Variants in ADAMTSL1 observed in about 807,000 individuals in gnomAD.
The protein encoded by ADAMTSL1 is ADAMTS like 1.
Under a neutral mutation model 201.8 loss-of-function variants are expected in ADAMTSL1, and 126 were observed. That is an observed-to-expected ratio of 0.62 (90% CI 0.54 to 0.72). The LOEUF (loss-of-function observed/expected upper bound fraction) is 0.72. Ranked by LOEUF, ADAMTSL1 falls within the 30% of genes least tolerant of loss-of-function variation. The probability of loss-of-function intolerance (pLI) is 0.00; values close to 1 mark genes in which losing one functional copy is unlikely to be tolerated. For synonymous variants in ADAMTSL1, 1,121 were observed against 903.4 expected (o/e 1.24, Z -4.32); for missense variants, 2,679 against 2,277.8 (o/e 1.18, Z -3.59).
At chr9:18,251,064 A>G (rs988860714) in intron 2 of ADAMTSL1, among the ~76,000 whole-genome samples, 2 of 152,176 alleles carry the variant, frequency 1.3e-5, no homozygotes, top group African/African-American at 2.4e-5. Flanking sequence ...TGTCAGGAAG[A>G]TGTAATTAGG....
chr9:18,186,006 C>T (rs146467768), intron 2 of ADAMTSL1, among the ~76,000 whole-genome samples: 98 of 152,276 alleles, frequency 6.4e-4, no homozygotes, highest in African/African-American at 2.3e-3. Flanking sequence ...ATCCCTTTCT[C>T]ACAGTGTGAT....
intron 4 of ADAMTSL1, among the ~76,000 whole-genome samples, chr9:18,578,092 T>C (rs1181775721): frequency 1.3e-5 from 2 of 150,942 alleles, no homozygotes; most frequent in Admixed American, 6.6e-5. Flanking sequence ...CCCCAGCAAA[T>C]CATTGTATGA....
chr9:18,046,252 C>A (rs1380756669), intron 1 of ADAMTSL1, among the ~76,000 whole-genome samples: 1 of 152,160 alleles, frequency 6.6e-6, no homozygotes, highest in African/African-American at 2.4e-5. Flanking sequence ...AATAAGGCAG[C>A]AAGTTGTTTC....
chr9:18,615,363 G>A (rs1825632624), intron 4 of ADAMTSL1, among the ~76,000 whole-genome samples: 1 of 152,186 alleles, frequency 6.6e-6, no homozygotes, highest in Admixed American at 6.5e-5. Flanking sequence ...TTGGGGCTGA[G>A]CCCCTTCCCC....
intron 2 of ADAMTSL1, among the ~76,000 whole-genome samples, chr9:18,424,931 T>C (rs1167162392): frequency 1.3e-5 from 2 of 152,196 alleles, no homozygotes; most frequent in African/African-American, 4.8e-5. Flanking sequence ...GATGACCTCT[T>C]ATCCACATAT....
intron 2 of ADAMTSL1, among the ~76,000 whole-genome samples, chr9:18,294,182 C>T (rs986193358): frequency 8.5e-5 from 13 of 152,154 alleles, no homozygotes; most frequent in African/African-American, 3.1e-4. Context: ...GTCTGATTCC[C>T]AGGTTGATGT....
intron 2 of ADAMTSL1, among the ~76,000 whole-genome samples, chr9:18,386,603 A>G (rs1447387344): frequency 6.6e-6 from 1 of 152,110 alleles, no homozygotes; most frequent in African/African-American, 2.4e-5. Flanking sequence ...TCATTCTGTA[A>G]TTTTGTGTAC....
At chr9:18,283,884 C>T (rs1204190963) in intron 2 of ADAMTSL1, among the ~76,000 whole-genome samples, 3 of 122,822 alleles carry the variant, frequency 2.4e-5, no homozygotes, top group East Asian at 4.6e-4. Flanking sequence ...TGCCACTGCA[C>T]TCTAGCCTGG....
At chr9:17,980,872 T>G (rs1818662485) in intron 1 of ADAMTSL1, among the ~76,000 whole-genome samples, 1 of 152,156 alleles carries the variant, frequency 6.6e-6, no homozygotes, top group South Asian at 2.1e-4. Flanking sequence ...GATAGGGGCT[T>G]CAGGCTTCTG....
At chr9:18,403,464 A>G (rs989816883) in intron 2 of ADAMTSL1, among the ~76,000 whole-genome samples, 2 of 152,136 alleles carry the variant, frequency 1.3e-5, no homozygotes, top group South Asian at 4.1e-4. Flanking sequence ...GATTACAGGC[A>G]TAAGCCACTG....
chr9:18,776,723 C>T (rs1434812708), intron 18 of ADAMTSL1, 58 bp from the exon 19 acceptor site: 5 of 1,476,686 alleles, frequency 3.4e-6, no homozygotes, highest in Middle Eastern at 2.0e-4. Context: ...GCATCTCACT[C>T]TGGGTTTTCT....
chr9:18,103,713 T>A (rs1194738185), intron 1 of ADAMTSL1, among the ~76,000 whole-genome samples: 1 of 152,144 alleles, frequency 6.6e-6, no homozygotes. Context: ...ATATGAGGAA[T>A]TTTTTTGAAG....
intron 1 of ADAMTSL1, among the ~76,000 whole-genome samples, chr9:17,933,310 G>A (rs1481599058): frequency 6.6e-6 from 1 of 151,894 alleles, no homozygotes; most frequent in Non-Finnish European, 1.5e-5. Flanking sequence ...GGGTCAAATC[G>A]GTCTCTGCAT....
intron 23 of ADAMTSL1, among the ~76,000 whole-genome samples, chr9:18,875,329 T>C (rs1828084179): frequency 6.6e-6 from 1 of 152,150 alleles, no homozygotes; most frequent in South Asian, 2.1e-4. Flanking sequence ...TCAAATTCCT[T>C]GAAGTGTAAC....
chr9:18,475,088 G>A (rs1234943188), intron 1 of ADAMTSL1, among the ~76,000 whole-genome samples: 1 of 152,108 alleles, frequency 6.6e-6, no homozygotes, highest in Non-Finnish European at 1.5e-5. Flanking sequence ...AATATTAATA[G>A]CAATGCACAT....
At chr9:17,913,778 G>C (rs1369211137) in intron 1 of ADAMTSL1, among the ~76,000 whole-genome samples, 2 of 148,834 alleles carry the variant, frequency 1.3e-5, no homozygotes, top group African/African-American at 2.6e-5. Context: ...CCGCTAGCGA[G>C]ACTAATAAAG....
At chr9:17,948,158 G>A (rs758438701) in intron 1 of ADAMTSL1, among the ~76,000 whole-genome samples, 3 of 152,250 alleles carry the variant, frequency 2.0e-5, no homozygotes, top group Non-Finnish European at 4.4e-5. Context: ...TGCCGGGAGG[G>A]TTCATTGCAA....
chr9:18,759,534 C>T (rs1056882871), intron 16 of ADAMTSL1, among the ~76,000 whole-genome samples: 3 of 152,076 alleles, frequency 2.0e-5, no homozygotes, highest in Admixed American at 1.3e-4. Flanking sequence ...AATTTTCTGT[C>T]CCAGGGAGGA....
intron 2 of ADAMTSL1, among the ~76,000 whole-genome samples, chr9:18,301,805 A>T (rs1255170665): frequency 6.6e-6 from 1 of 152,236 alleles, no homozygotes; most frequent in Non-Finnish European, 1.5e-5. Flanking sequence ...AATGACGGAA[A>T]GCTATGTGCC....
Sources: gnomAD v4.1 joint callset for allele counts (sites outside exome capture counted in the v4.1 genomes callset) on GRCh38, gnomAD v4.1.1 for gene constraint, MANE v1.5 for transcripts, NCBI Gene and HGNC (gene_info 2026-07-23, HGNC 2026-07-21) for gene names.